The following KIRREL3 variants were observed in gnomAD, a reference collection of about 807,000 sequenced individuals.
The protein encoded by KIRREL3 is kin of IRRE-like protein 3.
In KIRREL3, 36 loss-of-function variants were observed where a neutral mutation model predicts 89.7. The ratio of observed to expected loss-of-function variants is 0.40; its 90% CI spans 0.31 to 0.53. The LOEUF (loss-of-function observed/expected upper bound fraction) is 0.53. Ranked by LOEUF, KIRREL3 falls within the 20% of genes least tolerant of loss-of-function variation. The probability of loss-of-function intolerance (pLI) is 0.49; values close to 1 mark genes in which losing one functional copy is unlikely to be tolerated. For synonymous variants in KIRREL3, 445 were observed against 441.4 expected, an observed-to-expected ratio of 1.01 and a Z score of -0.10; for missense variants, 864 against 1,056.6, an observed-to-expected ratio of 0.82 and a Z score of 2.53.
chr11:126,747,287 G>A lies in KIRREL3; in HGVS notation c.56-184375C>T, dbSNP rs73018550. 0.061 allele frequency among the ~76,000 whole-genome samples: 9,262 copies of A among 152,266 alleles called. 322 individuals are homozygous for A. The highest frequency in any genetic ancestry group is 0.077 in the Admixed American group (1,183 of 15,296). ...CAATCAGTGTATACTTACAAAGGCTGTTGTATGAGGATTAAATAAAATACT... is the reference window on the plus strand; with the variant it reads ...CAATCAGTGTATACTTACAAAGGCTATTGTATGAGGATTAAATAAAATACT... On this transcript the variant is annotated intron_variant, in intron 1 of 16. Coordinates refer to ENST00000525144, the MANE Select transcript of KIRREL3 (RefSeq NM_032531.4). This position sits in a 1 kb window ranked among gnomAD's most constrained non-coding sequence, Gnocchi z 4.7.
intron 1 of KIRREL3, among the ~76,000 whole-genome samples, chr11:126,691,959 A>C (rs1239301193): frequency 6.6e-6 from 1 of 152,256 alleles, no homozygotes; most frequent in Non-Finnish European, 1.5e-5. Context: ...AATCGAAATG[A>C]TAGTGAGGTA....
chr11:126,930,249 T>G (rs972049864), intron 1 of KIRREL3, among the ~76,000 whole-genome samples: 1 of 132,748 alleles, frequency 7.5e-6, no homozygotes, highest in African/African-American at 2.6e-5. Flanking sequence ...CCAGATCTGC[T>G]AAACCCTTGA....
rs115929113 is a variant in KIRREL3, at chr11:126,485,759, A to C, written c.434-12293T>G. ...TACCTTGTTCCATGCCCAGCCCTGGACTCCTGAGATGGAATGGTCAGTACC... is the reference window on the plus strand; with the variant it reads ...TACCTTGTTCCATGCCCAGCCCTGGCCTCCTGAGATGGAATGGTCAGTACC... On this transcript the variant is annotated intron_variant, in intron 4 of 16. Coordinates refer to ENST00000525144, the MANE Select transcript of KIRREL3 (RefSeq NM_032531.4). The surrounding 1 kb of genome is among the most constrained non-coding windows in gnomAD (Gnocchi z 5.8). 0.023 allele frequency among the ~76,000 whole-genome samples: 3,476 copies of C among 152,136 alleles called. 142 individuals are homozygous for C. The highest frequency in any genetic ancestry group is 0.075 in the African/African-American group (3,104 of 41,484).
chr11:126,580,189 C>T (rs1377636624), intron 1 of KIRREL3, among the ~76,000 whole-genome samples: 1 of 152,176 alleles, frequency 6.6e-6, no homozygotes, highest in African/African-American at 2.4e-5. Flanking sequence ...GTGTCTGGTC[C>T]ACAGTAGGAA....
At chr11:126,529,085 G>T (rs1394152962) in intron 2 of KIRREL3, among the ~76,000 whole-genome samples, 2 of 152,158 alleles carry the variant, frequency 1.3e-5, no homozygotes, top group Non-Finnish European at 2.9e-5. Flanking sequence ...AGCCCTCTGA[G>T]ATGTCCATTA....
rs1436939890 is a variant in KIRREL3, at chr11:126,755,522, C to A, written c.56-192610G>T. 6.6e-6 allele frequency among the ~76,000 whole-genome samples: 1 copy of A among 152,044 alleles called. No individual in the cohort carries two copies. The highest frequency in any genetic ancestry group is 1.5e-5 in the Non-Finnish European group (1 of 68,006). The stretch of plus-strand genomic sequence containing the variant: ...TTCCCATTGCTCTCTTTAAAAAAGA[C>A]ACACACCAGAAAGTAAAAAAACAAA... On this transcript the variant is annotated intron_variant, in intron 1 of 16. Transcript: ENST00000525144. The surrounding 1 kb of genome is among the most constrained non-coding windows in gnomAD (Gnocchi z 4.3).
intron 1 of KIRREL3, among the ~76,000 whole-genome samples, chr11:126,751,957 C>T (rs1949350547): frequency 6.6e-6 from 1 of 152,186 alleles, no homozygotes; most frequent in Admixed American, 6.5e-5. Flanking sequence ...CCCATCTTGA[C>T]CTCCCAAAGT....
intron 1 of KIRREL3, among the ~76,000 whole-genome samples, chr11:126,671,421 T>C (rs974574676): frequency 9.2e-5 from 14 of 152,152 alleles, no homozygotes; most frequent in African/African-American, 3.4e-4. Flanking sequence ...AACAAAAAAT[T>C]GAAAATTTTG....
At chr11:126,619,505 C>A (rs1474801501) in intron 1 of KIRREL3, among the ~76,000 whole-genome samples, 1 of 152,226 alleles carries the variant, frequency 6.6e-6, no homozygotes, top group East Asian at 1.9e-4. Flanking sequence ...TATGTGGAGA[C>A]TGGATTGCAG....
At chr11:126,449,512 G>A (rs775430871) in intron 7 of KIRREL3, among the ~76,000 whole-genome samples, 25 of 152,216 alleles carry the variant, frequency 1.6e-4, no homozygotes, top group Non-Finnish European at 2.8e-4. Flanking sequence ...CAGACAGCTC[G>A]CTGTCCTGCT....
chr11:126,650,023 G>A (rs916372696), intron 1 of KIRREL3, among the ~76,000 whole-genome samples: 1 of 152,246 alleles, frequency 6.6e-6, no homozygotes, highest in African/African-American at 2.4e-5. Context: ...ACACCACATG[G>A]AAGCTGCCAA....
At chr11:126,681,951 C>T (rs1256209458) in intron 1 of KIRREL3, 2 of 452,044 alleles carry the variant, frequency 4.4e-6, no homozygotes, top group Non-Finnish European at 8.9e-6. Context: ...ACAGATTTTA[C>T]ACACAATTCA....
intron 1 of KIRREL3, among the ~76,000 whole-genome samples, chr11:126,964,788 G>A (rs1949214053): frequency 1.3e-5 from 2 of 152,178 alleles, no homozygotes; most frequent in Admixed American, 1.3e-4. Context: ...GGTAAATATT[G>A]ATGGAGGCTC....
chr11:126,667,605 C>G (rs955681936), intron 1 of KIRREL3, among the ~76,000 whole-genome samples: 1 of 152,164 alleles, frequency 6.6e-6, no homozygotes, highest in Non-Finnish European at 1.5e-5. Flanking sequence ...ATGGACTCAG[C>G]AATCAATTTA....
chr11:126,700,350 G>A (rs1406510922), intron 1 of KIRREL3, among the ~76,000 whole-genome samples: 1 of 152,206 alleles, frequency 6.6e-6, no homozygotes, highest in Non-Finnish European at 1.5e-5. Context: ...GGAAGAGGCA[G>A]CGTACCACCT....
At chr11:126,603,677 C>T (rs1003278311) in intron 1 of KIRREL3, among the ~76,000 whole-genome samples, 1 of 152,270 alleles carries the variant, frequency 6.6e-6, no homozygotes, top group Non-Finnish European at 1.5e-5. Context: ...TCTGGCAGCA[C>T]ATGGCTGCAT....
intron 10 of KIRREL3, among the ~76,000 whole-genome samples, chr11:126,442,491 A>G (rs952991787): frequency 6.6e-6 from 1 of 152,202 alleles, no homozygotes; most frequent in African/African-American, 2.4e-5. Flanking sequence ...GAGGGTTAGT[A>G]AGATTTCTCT....
At chr11:126,672,235 C>G (rs1433151344) in intron 1 of KIRREL3, among the ~76,000 whole-genome samples, 2 of 152,144 alleles carry the variant, frequency 1.3e-5, no homozygotes, top group Admixed American at 1.3e-4. Flanking sequence ...AGATTATTGG[C>G]TCAGTTGGAC....
chr11:126,625,889 C>G (rs1943763978), intron 1 of KIRREL3, among the ~76,000 whole-genome samples: 1 of 152,186 alleles, frequency 6.6e-6, no homozygotes, highest in Non-Finnish European at 1.5e-5. Context: ...CTTTATTACC[C>G]CTGTATAATG....
Sources: allele counts gnomAD v4.1 joint callset (sites outside exome capture counted in the v4.1 genomes callset), GRCh38; gene constraint gnomAD v4.1.1; non-coding constraint Gnocchi (gnomAD v3.1); transcripts MANE v1.5; gene names NCBI Gene and HGNC (gene_info 2026-07-23, HGNC 2026-07-21).